Variants in KCNK18 observed in about 807,000 individuals in gnomAD.
The protein encoded by KCNK18 is potassium two pore domain channel subfamily K member 18, also known as potassium channel subfamily K member 18.
Under a neutral mutation model 11.8 loss-of-function variants are expected in KCNK18, and 8 were observed. The ratio of observed to expected loss-of-function variants is 0.68; its 90% CI spans 0.40 to 1.22. The LOEUF is 1.22. Ranked by LOEUF, KCNK18 falls within the 50% of genes most tolerant of loss-of-function variation. The pLI is 0.01. For missense variants in KCNK18, 442 were observed against 465.4 expected, an observed-to-expected ratio of 0.95 and a Z score of 0.46; for synonymous variants, 208 against 185.8, an observed-to-expected ratio of 1.12 and a Z score of -0.97.
chr10:117,197,865 ACC>A (rs1389866336), intron 1 of KCNK18, among the ~76,000 whole-genome samples, 154 bp downstream of exon 1: 2 of 151,758 alleles, frequency 1.3e-5, no homozygotes, highest in Non-Finnish European at 2.9e-5. Context: ...TTCTTTCTGA[ACC>A]TCTGTTTTCT....
At position 117,209,572 on chromosome 10, in the gene KCNK18, T is replaced by C. The variant is rs1855118197; in HGVS notation, c.428T>C (p.Leu143Pro). The C allele has an allele frequency of 6.2e-7, 1 of 1,614,056 alleles. No individual in the cohort carries two copies. The highest frequency in any genetic ancestry group is 8.5e-7 in the Non-Finnish European group (1 of 1,179,970). The change falls in exon 3 of 3, where the codon CTG becomes CCG. Residue 143 changes from leucine to proline, a missense_variant. By Grantham distance (98) the Leu-to-Pro change is moderately conservative. Transcript: ENST00000334549. ...CMLYALFGIP[L>P]MFLVLTDTGD... ...CTCTATGCTCTCTTTGGTATCCCCCTGATGTTCCTCGTTCTCACGGACACA... is the reference window on the plus strand; with the variant it reads ...CTCTATGCTCTCTTTGGTATCCCCCCGATGTTCCTCGTTCTCACGGACACA...
chr10:117,204,801 GAACA>G (rs1699567857), intron 2 of KCNK18, among the ~76,000 whole-genome samples: 1 of 152,154 alleles, frequency 6.6e-6, no homozygotes, highest in Admixed American at 6.5e-5. Context: ...CCCTGCCCTA[GAACA>G]AACAGAATCC....
chr10:117,209,408 G>A, intron 2 of KCNK18, 89 bp from the exon 3 acceptor site: 4 of 1,010,916 alleles, frequency 4.0e-6, no homozygotes, highest in Non-Finnish European at 6.3e-6. Context: ...ATGCCAAGGA[G>A]GGGAGATGGC....
Position 117,205,145 on chromosome 10 carries a change from A to C in KCNK18, c.352+3858A>C, listed in dbSNP as rs552178148. 4.6e-5 allele frequency among the ~76,000 whole-genome samples: 7 copies of C among 152,316 alleles called. No individual in the cohort carries two copies. The East Asian group carries it at 1.2e-3, about 25-fold the overall frequency. ...TAATGCTAAGCACAGGATACCTGACAGCTGTGAGGCCGGTCAATCCCGTCA... is the reference window on the plus strand; with the variant it reads ...TAATGCTAAGCACAGGATACCTGACCGCTGTGAGGCCGGTCAATCCCGTCA... On this transcript the variant is annotated intron_variant, in intron 2 of 2. Transcript: ENST00000334549.
At chr10:117,199,677 G>C (rs1854990890) in intron 1 of KCNK18, among the ~76,000 whole-genome samples, 1 of 152,232 alleles carries the variant, frequency 6.6e-6, no homozygotes, top group Admixed American at 6.5e-5. Flanking sequence ...ATCTCAGGCT[G>C]TCTCTCTGAT....
chr10:117,197,730 C>T lies in KCNK18; in HGVS notation c.223+19C>T. ...GAAACAGGTAGGTGCCTCACCTGGA[C>T]AGGGTGGGCCTTTTCTCCGTGGTGG... On this transcript the variant is annotated intron_variant, in intron 1 of 2. Transcript: ENST00000334549. 6.2e-7 allele frequency: 1 copy of T among 1,605,782 alleles called. No homozygotes were observed. Among genetic ancestry groups the T allele is most frequent in the Non-Finnish European group, 8.5e-7 (1 of 1,172,906 alleles).
intron 2 of KCNK18, among the ~76,000 whole-genome samples, chr10:117,201,897 G>C (rs1176533998): frequency 6.6e-6 from 1 of 152,242 alleles, no homozygotes; most frequent in African/African-American, 2.4e-5. Flanking sequence ...CTCTGAGCTG[G>C]CTGGCCCATC....
intron 2 of KCNK18, among the ~76,000 whole-genome samples, chr10:117,201,881 G>A (rs556779262): frequency 1.3e-5 from 2 of 152,318 alleles, no homozygotes; most frequent in South Asian, 2.1e-4. Context: ...GGTGATTAAG[G>A]GCTCACTCTG....
intron 2 of KCNK18, among the ~76,000 whole-genome samples, chr10:117,207,335 A>C (rs1855088924): frequency 6.6e-6 from 1 of 151,994 alleles, no homozygotes; most frequent in South Asian, 2.1e-4. Flanking sequence ...GGCTTAGGAT[A>C]GGTGCCTTTG....
In KCNK18 at chr10:117,209,579, C is replaced by T. The variant is rs1207817541; in HGVS notation, c.435C>T (p.Phe145=). ...LYALFGIPLM[F]LVLTDTGDIL... ...CTCTCTTTGGTATCCCCCTGATGTTCCTCGTTCTCACGGACACAGGCGACA... is the reference window on the plus strand; with the variant it reads ...CTCTCTTTGGTATCCCCCTGATGTTTCTCGTTCTCACGGACACAGGCGACA... The change falls in exon 3 of 3, where the codon TTC becomes TTT. Residue 145 remains phenylalanine (F), a synonymous_variant. Coordinates refer to ENST00000334549, the MANE Select transcript of KCNK18 (RefSeq NM_181840.1). 1.2e-6 allele frequency: 2 copies of T among 1,614,130 alleles called. No individual in the cohort carries two copies. The highest frequency in any genetic ancestry group is 1.7e-6 in the Non-Finnish European group (2 of 1,180,010).
chr10:117,199,694 A>C (rs1451282698), intron 1 of KCNK18, among the ~76,000 whole-genome samples: 2 of 152,192 alleles, frequency 1.3e-5, no homozygotes, highest in Admixed American at 6.5e-5. Flanking sequence ...TGATGGGGAA[A>C]CTGAGGCTCA....
rs772168676 is a variant in KCNK18 at position 117,209,843 on chromosome 10, G to A, written c.699G>A (p.Ala233=). The part of the protein sequence containing the change: ...CSMELFERSH[A]LEKQNTLQLP... ...TGGAGCTGTTTGAGAGATCTCATGC[G>A]CTAGAGAAACAGAACACACTGCAAC... The change falls in exon 3 of 3, where the codon GCG becomes GCA. Residue 233 remains alanine (A), a synonymous_variant. Coordinates refer to ENST00000334549, the MANE Select transcript of KCNK18 (RefSeq NM_181840.1). The A allele has an allele frequency of 1.5e-5, 24 of 1,614,018 alleles. No individual in the cohort carries two copies. Among genetic ancestry groups the A allele is most frequent in the East Asian group, 6.7e-5 (3 of 44,890 alleles).
rs563839644 is a variant in KCNK18, at chr10:117,209,577, T to C, written c.433T>C (p.Phe145Leu). The C allele has an allele frequency of 2.5e-6, 4 of 1,614,178 alleles. No individual in the cohort carries two copies. Among genetic ancestry groups the C allele is most frequent in the Non-Finnish European group, 3.4e-6 (4 of 1,180,026 alleles). The change falls in exon 3 of 3, where the codon TTC becomes CTC. Residue 145 changes from phenylalanine to leucine, a missense_variant. Transcript: ENST00000334549. ...TGCTCTCTTTGGTATCCCCCTGATG[T>C]TCCTCGTTCTCACGGACACAGGCGA... ...LYALFGIPLMFLVLTDTGDIL... is the reference protein window; with the variant it reads ...LYALFGIPLMLLVLTDTGDIL...
chr10:117,202,140 A>G (rs57142493), intron 2 of KCNK18, among the ~76,000 whole-genome samples: 10,155 of 152,244 alleles, frequency 0.067, 552 homozygotes, highest in Admixed American at 0.16. Flanking sequence ...CCCTAGGAGG[A>G]CCTGGCCCAC....
In KCNK18 at chr10:117,210,049, C is replaced by T. The variant is rs1855127135; in HGVS notation, c.905C>T (p.Pro302Leu). The change falls in exon 3 of 3, where the codon CCC becomes CTC. Residue 302 changes from proline (P) to leucine (L), a missense_variant. Coordinates refer to ENST00000334549, the MANE Select transcript of KCNK18 (RefSeq NM_181840.1). ...AYISCAAAIL[P>L]FWETQLDFEN... ...ATTTCCTGTGCAGCTGCCATCCTCC[C>T]CTTCTGGGAGACACAGTTGGATTTC... 6.2e-7 allele frequency: 1 copy of T among 1,614,094 alleles called. No homozygotes were observed. The highest frequency in any genetic ancestry group is 1.7e-5 in the Admixed American group (1 of 59,996).
intron 2 of KCNK18, 106 bp from the exon 3 acceptor site, chr10:117,209,391 A>G (rs936373474): frequency 4.2e-6 from 4 of 941,378 alleles, no homozygotes; most frequent in Non-Finnish European, 7.0e-6. Flanking sequence ...ACAATGTGTA[A>G]AATGTCATGC....
At chr10:117,198,189 A>G (rs897429039) in intron 1 of KCNK18, among the ~76,000 whole-genome samples, 7 of 152,194 alleles carry the variant, frequency 4.6e-5, no homozygotes, top group Non-Finnish European at 7.3e-5. Flanking sequence ...TTTAAATTCC[A>G]GCAGGAGCAC....
At chr10:117,198,210 C>T (rs1250968910) in intron 1 of KCNK18, among the ~76,000 whole-genome samples, 22 of 152,288 alleles carry the variant, frequency 1.4e-4, no homozygotes, top group Admixed American at 8.5e-4. Context: ...CTGCCACCCA[C>T]GCCCCCACTT....
intron 2 of KCNK18, among the ~76,000 whole-genome samples, chr10:117,205,853 C>T (rs1411336793): frequency 6.6e-6 from 1 of 152,142 alleles, no homozygotes; most frequent in Admixed American, 6.5e-5. Context: ...GGTTCGAGGC[C>T]AGCCTGGCCA....
Sources: allele counts gnomAD v4.1 joint callset (sites outside exome capture counted in the v4.1 genomes callset), GRCh38; gene constraint gnomAD v4.1.1; transcripts MANE v1.5; gene names NCBI Gene and HGNC (gene_info 2026-07-23, HGNC 2026-07-21).